TRPC5: variants seen among roughly 807,000 people sequenced by gnomAD.
TRPC5 encodes short transient receptor potential channel 5.
TRPC5 carries 9 observed loss-of-function variants against 56.5 expected under a neutral mutation model. That is an observed-to-expected ratio of 0.16 (90% CI 0.10 to 0.28). The LOEUF is 0.28. Among genes scored for constraint, TRPC5 ranks in the 10% least tolerant of loss-of-function variants. TRPC5 has a pLI of 1.00. For missense variants in TRPC5, 469 were observed against 748.9 expected (o/e 0.63, Z 4.36); for synonymous variants, 282 against 278.5 (o/e 1.01, Z -0.13).
At chrX:111,803,884 G>A (rs1436806886) in intron 7 of TRPC5, among the ~76,000 whole-genome samples, 1 of 111,921 alleles carries the variant, frequency 8.9e-6, no homozygotes, top group Admixed American at 9.5e-5. Flanking sequence ...TTTGGCTTTT[G>A]TTGCCATTGC....
At position 111,776,321 on chromosome X, in the gene TRPC5, G is replaced by A. The variant is rs779078346; in HGVS notation, c.2914C>T (p.Arg972Cys). Residue 972 changes from arginine to cysteine, a missense_variant, in exon 11 of 11, where the codon CGC becomes TGC. Physicochemically the swap from Arg to Cys is radical, Grantham distance 180 (BLOSUM62 -3). Around this residue, in one of 3 missense-constraint regions of TRPC5, gnomAD observed 194 missense variants for 221.8 expected, o/e 0.87. Transcript: ENST00000262839. ...GDGQEEQVTTRL is the reference protein window; with the variant it reads ...GDGQEEQVTTCL ...GATGATTAGGGCTTGACTTAGAGGC[G>A]AGTTGTAACTTGTTCTTCCTGTCCA... The A allele has an allele frequency of 4.3e-6, 5 of 1,168,675 alleles. No individual in the cohort carries two copies. Among genetic ancestry groups the A allele is most frequent in the Non-Finnish European group, 4.6e-6 (4 of 876,393 alleles).
At chrX:111,905,475 C>T (rs1312445639) in intron 3 of TRPC5, among the ~76,000 whole-genome samples, 1 of 111,962 alleles carries the variant, frequency 8.9e-6, no homozygotes, top group Non-Finnish European at 1.9e-5. Context: ...CTGTCAGTTT[C>T]CAATATCACA....
At position 111,952,124 on chromosome X, in the gene TRPC5, T is replaced by A. The variant is rs756234350; in HGVS notation, c.297A>T (p.Ala99=). The part of the protein sequence containing the change: ...LLNHSVYVGD[A]LLYAIRKEVV... The stretch of plus-strand genomic sequence containing the variant: ...CTTCCTTGCGTATGGCATAGAGCAA[T>A]GCATCACCCACATACACGCTGTGGT... The change falls in exon 2 of 11, where the codon GCA becomes GCT. Residue 99 remains alanine (A), a synonymous_variant. Transcript: ENST00000262839. The A allele has an allele frequency of 1.6e-6, 2 of 1,212,340 alleles. No individual in the cohort carries two copies. Among genetic ancestry groups the A allele is most frequent in the East Asian group, 5.9e-5 (2 of 33,849 alleles).
rs766047612 is a variant in TRPC5, at chrX:111,827,613, C to A, written c.1896+7308G>T. Among the ~76,000 whole-genome samples the A allele has an allele frequency of 1.3e-4, 15 of 111,561 alleles. No homozygotes were observed. In the East Asian group the frequency reaches 4.2e-3, roughly 32 times the overall value. ...CTCACACTTCACATCTGATCTAGTT[C>A]AAAATATATACAGAATCTGACCACT... On this transcript the variant is annotated intron_variant, in intron 7 of 10. Transcript: ENST00000262839.
At chrX:111,826,006 G>T (rs534617930) in intron 7 of TRPC5, among the ~76,000 whole-genome samples, 5 of 112,252 alleles carry the variant, frequency 4.5e-5, no homozygotes, top group African/African-American at 1.6e-4. Context: ...AACAGGCAGG[G>T]AATAGACCTG....
At chrX:111,830,314 G>A (rs1387995713) in intron 7 of TRPC5, among the ~76,000 whole-genome samples, 2 of 112,112 alleles carry the variant, frequency 1.8e-5, no homozygotes, top group Non-Finnish European at 3.8e-5. Flanking sequence ...AGGCAGAAGG[G>A]ACTTGCCTTG....
intron 1 of TRPC5, among the ~76,000 whole-genome samples, chrX:111,992,632 T>C (rs1462550755): frequency 9.1e-6 from 1 of 109,337 alleles, no homozygotes; most frequent in East Asian, 2.9e-4. Context: ...AGACTGAGTC[T>C]GGCTCTGTTG....
At chrX:111,791,084 T>A (rs1946017613) in intron 7 of TRPC5, among the ~76,000 whole-genome samples, 3 of 88,020 alleles carry the variant, frequency 3.4e-5, no homozygotes, top group African/African-American at 1.2e-4. Flanking sequence ...TCAGGGAACA[T>A]CTCTGAAGCA....
intron 4 of TRPC5, among the ~76,000 whole-genome samples, chrX:111,853,045 G>C (rs1923128483): frequency 8.9e-6 from 1 of 111,817 alleles, no homozygotes; most frequent in Admixed American, 9.5e-5. Context: ...TGTGGCTGTG[G>C]TCTAGGGCTG....
At chrX:111,960,303 G>T (rs1234647286) in intron 1 of TRPC5, among the ~76,000 whole-genome samples, 1 of 112,147 alleles carries the variant, frequency 8.9e-6, no homozygotes, top group Non-Finnish European at 1.9e-5. Context: ...TATTTTCATG[G>T]CTATAAACAC....
intron 2 of TRPC5, among the ~76,000 whole-genome samples, chrX:111,920,276 A>G (rs950033043): frequency 5.4e-5 from 6 of 111,112 alleles, no homozygotes; most frequent in African/African-American, 1.6e-4. Context: ...CTCTGTCTCA[A>G]CAAAACAACA....
chrX:111,950,421 A>G (rs1473826827), intron 2 of TRPC5, among the ~76,000 whole-genome samples: 2 of 112,338 alleles, frequency 1.8e-5, no homozygotes, highest in Admixed American at 9.4e-5. Context: ...GGAAAAACAA[A>G]CATCATAGGT....
intron 7 of TRPC5, among the ~76,000 whole-genome samples, chrX:111,794,891 G>A (rs1055572021): frequency 2.7e-5 from 3 of 111,472 alleles, no homozygotes; most frequent in Non-Finnish European, 5.7e-5. Flanking sequence ...ACTTGGGGGA[G>A]GGGGACACAA....
chrX:112,016,360 AGTGTGTGTGTGT>A (rs113555140), intron 1 of TRPC5, among the ~76,000 whole-genome samples: 1 of 102,853 alleles, frequency 9.7e-6, no homozygotes, highest in East Asian at 3.0e-4. Context: ...GGAAGGTTGG[AGTGTGTGTGTGT>A]GTGTGTGTGT....
chrX:111,781,349 G>A lies in TRPC5; in HGVS notation c.2101-143C>T, dbSNP rs966159452. 14 of 500,528 alleles carry A rather than the reference G, an allele frequency of 2.8e-5. No individual in the cohort carries two copies. The African/African-American group carries it at 2.9e-4, about 10-fold the overall frequency. 41.2% of individuals were successfully genotyped at this position (500,528 alleles called of 1,213,427 possible). A position where few individuals can be genotyped will look rare whatever the true frequency, so the allele number is the denominator to read the frequency against. On this transcript the variant is annotated intron_variant, in intron 8 of 10. Transcript: ENST00000262839. ...TGCCTGACAAATCCCCAAAGCAAAT[G>A]TATGTTGGAATGATTTTATGATGTT... is the stretch of plus-strand genomic sequence containing the variant.
chrX:111,860,098 C>G (rs190778032), intron 3 of TRPC5, among the ~76,000 whole-genome samples: 1 of 112,056 alleles, frequency 8.9e-6, no homozygotes, highest in African/African-American at 3.2e-5. Context: ...TTAGTAGAGA[C>G]GGGGTTTCAC....
intron 5 of TRPC5, among the ~76,000 whole-genome samples, chrX:111,848,739 C>T (rs968802786): frequency 2.7e-5 from 3 of 112,453 alleles, no homozygotes; most frequent in Non-Finnish European, 5.6e-5. Context: ...CACATTTGTG[C>T]TTCTGCTTCG....
intron 1 of TRPC5, among the ~76,000 whole-genome samples, chrX:111,980,839 T>C (rs1928059465): frequency 9.4e-6 from 1 of 106,736 alleles, no homozygotes; most frequent in African/African-American, 3.4e-5. Context: ...GCAATATATC[T>C]ATGTATTAGT....
At chrX:112,055,878 A>G (rs1175691992) in intron 1 of TRPC5, among the ~76,000 whole-genome samples, 5 of 110,190 alleles carry the variant, frequency 4.5e-5, no homozygotes, top group African/African-American at 1.7e-4. Context: ...GCACAGTTGT[A>G]GTAAGGGGGA....
Sources: gnomAD v4.1 joint callset for allele counts (sites outside exome capture counted in the v4.1 genomes callset) on GRCh38, gnomAD v4.1.1 for gene constraint, gnomAD v4.1.1 regional missense constraint, MANE v1.5 for transcripts, NCBI Gene and HGNC (gene_info 2026-07-23, HGNC 2026-07-21) for gene names.